NOL4: variants seen among roughly 807,000 people sequenced by gnomAD.
The protein encoded by NOL4 is cancer/testis antigen 125.
Under a neutral mutation model 75.9 loss-of-function variants are expected in NOL4, and 17 were observed. The ratio of observed to expected loss-of-function variants is 0.22; its 90% CI spans 0.15 to 0.34. NOL4 has a LOEUF of 0.34. Ranked by LOEUF, NOL4 falls within the 10% of genes least tolerant of loss-of-function variation. The pLI is 1.00. For synonymous variants in NOL4, 292 were observed against 289.9 expected, an observed-to-expected ratio of 1.01 and a Z score of -0.07; for missense variants, 614 against 793.5, an observed-to-expected ratio of 0.77 and a Z score of 2.72.
At chr18:34,005,137 C>T (rs557755193) in intron 6 of NOL4, among the ~76,000 whole-genome samples, 1 of 152,104 alleles carries the variant, frequency 6.6e-6, no homozygotes, top group African/African-American at 2.4e-5. Flanking sequence ...TGCAATGAAT[C>T]CTTTTACTAC....
chr18:34,094,568 C>G (rs1036900570), intron 4 of NOL4, among the ~76,000 whole-genome samples: 5 of 152,122 alleles, frequency 3.3e-5, no homozygotes, highest in African/African-American at 1.2e-4. Flanking sequence ...TTTTCTGAAG[C>G]AAACTTCGTT....
At chr18:34,116,099 CA>C (rs895660958) in intron 2 of NOL4, among the ~76,000 whole-genome samples, 1 of 152,038 alleles carries the variant, frequency 6.6e-6, no homozygotes, top group African/African-American at 2.4e-5. Context: ...CTCTACCATC[CA>C]AAAAGTATAG....
intron 9 of NOL4, among the ~76,000 whole-genome samples, chr18:33,905,458 T>C (rs1810354514): frequency 6.6e-6 from 1 of 152,148 alleles, no homozygotes; most frequent in South Asian, 2.1e-4. Context: ...ATATGAGCTC[T>C]TGAAGGACCT....
chr18:33,942,708 G>A (rs866879814), intron 9 of NOL4, among the ~76,000 whole-genome samples: 1 of 151,758 alleles, frequency 6.6e-6, no homozygotes, highest in African/African-American at 2.4e-5. Context: ...CATTTCATTC[G>A]AAATGAACAT....
intron 6 of NOL4, among the ~76,000 whole-genome samples, chr18:34,006,756 C>T (rs1054083348): frequency 2.6e-5 from 4 of 151,960 alleles, no homozygotes; most frequent in Admixed American, 6.6e-5. Flanking sequence ...TGTTCCCTAC[C>T]ATCCTGAAAC....
chr18:34,129,517 T>C (rs1387313862), intron 2 of NOL4, among the ~76,000 whole-genome samples: 2 of 151,730 alleles, frequency 1.3e-5, no homozygotes, highest in East Asian at 3.8e-4. Flanking sequence ...AGTGGTAGTA[T>C]AAAAGTTCTT....
intron 1 of NOL4, among the ~76,000 whole-genome samples, chr18:34,181,062 A>T (rs914557842): frequency 6.6e-6 from 1 of 151,518 alleles, no homozygotes; most frequent in Non-Finnish European, 1.5e-5. Context: ...AAGGAGGCCA[A>T]AAATTGGCAG....
chr18:34,018,766 GTATGA>G (rs1342944116), intron 6 of NOL4, among the ~76,000 whole-genome samples: 1 of 151,972 alleles, frequency 6.6e-6, no homozygotes, highest in African/African-American at 2.4e-5. Context: ...TTTGTCTTTT[GTATGA>G]TATAATTTAT....
At chr18:34,157,497 G>GA (rs2030639675) in intron 1 of NOL4, among the ~76,000 whole-genome samples, 2 of 151,642 alleles carry the variant, frequency 1.3e-5, no homozygotes, top group African/African-American at 4.8e-5. Context: ...AAGTAGCTCA[G>GA]AAAAAAGGTC....
Position 33,947,833 on chromosome 18 carries a change from A to G in NOL4, c.1429-4655T>C, listed in dbSNP as rs557240087. ...AAATCAGTGGCAGTTGTGTCATTAA[A>G]CAGATGGCTAAACCATCACATGGAG... On this transcript the variant is annotated intron_variant, in intron 8 of 10. Transcript: ENST00000261592. 1.2e-4 allele frequency among the ~76,000 whole-genome samples: 19 copies of G among 152,044 alleles called. No homozygotes were observed. In the South Asian group the frequency reaches 3.9e-3, roughly 31 times the overall value.
rs1327357323 is a variant in NOL4, at chr18:34,223,431, C to G, written c.-178G>C. On this transcript the variant is annotated 5_prime_UTR_variant, in exon 1 of 11. Coordinates refer to ENST00000261592, the MANE Select transcript of NOL4 (RefSeq NM_003787.5). ...GAGGGGAGGAGGGTCCGGTTGGGCACCAGCAATCAATGCCCCGTGCTACCA... is the reference window on the plus strand; with the variant it reads ...GAGGGGAGGAGGGTCCGGTTGGGCAGCAGCAATCAATGCCCCGTGCTACCA... 3.8e-6 allele frequency: 3 copies of G among 781,430 alleles called. No individual in the cohort carries two copies. The highest frequency in any genetic ancestry group is 6.0e-6 in the Non-Finnish European group (3 of 502,000). 48.4% of individuals were successfully genotyped at this position (781,430 alleles called of 1,614,324 possible).
At position 34,093,490 on chromosome 18, in the gene NOL4, G is replaced by C. The variant is rs143298317; in HGVS notation, c.747C>G (p.Pro249=). The C allele has an allele frequency of 6.3e-7, 1 of 1,591,840 alleles. No homozygotes were observed. The highest frequency in any genetic ancestry group is 1.3e-5 in the African/African-American group (1 of 74,146). ...SSNLEERMQS[P]QNLHGQQDDD... The stretch of plus-strand genomic sequence containing the variant: ...CATCTTGCTGGCCATGAAGATTCTG[G>C]GGACTTTGCATTCTTTCTTCAAGAT... The change falls in exon 5 of 11, where the codon CCC becomes CCG. Residue 249 remains proline, a synonymous_variant. Coordinates refer to ENST00000261592, the MANE Select transcript of NOL4 (RefSeq NM_003787.5).
At chr18:33,871,909 T>G (rs1057213048) in intron 10 of NOL4, among the ~76,000 whole-genome samples, 5 of 152,040 alleles carry the variant, frequency 3.3e-5, no homozygotes, top group African/African-American at 1.2e-4. Context: ...AGTGAAAGAT[T>G]TGAGGGCTCA....
chr18:34,207,071 G>C (rs1244070518), intron 1 of NOL4, among the ~76,000 whole-genome samples: 8 of 151,862 alleles, frequency 5.3e-5, no homozygotes, highest in African/African-American at 1.5e-4. Context: ...TTGATAGTTT[G>C]TGTGCTGAAA....
chr18:34,062,821 G>T (rs1156301058), intron 5 of NOL4, among the ~76,000 whole-genome samples: 1 of 152,056 alleles, frequency 6.6e-6, no homozygotes, highest in Non-Finnish European at 1.5e-5. Context: ...ATTCATATAA[G>T]AAACTATCTA....
intron 9 of NOL4, among the ~76,000 whole-genome samples, chr18:33,898,211 C>A (rs941921397): frequency 6.6e-6 from 1 of 152,176 alleles, no homozygotes; most frequent in Non-Finnish European, 1.5e-5. Context: ...CTGTGCCCAA[C>A]CAAAAATATT....
chr18:34,092,089 A>G (rs117956514), intron 5 of NOL4, among the ~76,000 whole-genome samples: 4,819 of 152,090 alleles, frequency 0.032, 83 homozygotes, highest in Middle Eastern at 0.048. Flanking sequence ...CTAAGACGGC[A>G]AGGAGATACC....
chr18:33,954,016 A>G (rs936335435), intron 8 of NOL4, among the ~76,000 whole-genome samples: 2 of 152,272 alleles, frequency 1.3e-5, no homozygotes, highest in East Asian at 3.9e-4. Context: ...TGTGATCTTT[A>G]TAAGAACTAA....
intron 1 of NOL4, 147 bp downstream of exon 1, chr18:34,222,843 G>T: frequency 1.9e-6 from 2 of 1,032,376 alleles, no homozygotes; most frequent in Non-Finnish European, 2.8e-6. Context: ...ATGCGAGTGG[G>T]GACGACTTGG....
Sources: gnomAD v4.1 joint callset for allele counts (sites outside exome capture counted in the v4.1 genomes callset) on GRCh38, gnomAD v4.1.1 for gene constraint, MANE v1.5 for transcripts, NCBI Gene and HGNC (gene_info 2026-07-23, HGNC 2026-07-21) for gene names.